The following MOB3B variants were observed in gnomAD, a reference collection of about 807,000 sequenced individuals.
MOB3B encodes MOB kinase activator 3B, also known as MOB kinase activator-like 2B.
Under a neutral mutation model 18.7 loss-of-function variants are expected in MOB3B, and 7 were observed. That is an observed-to-expected ratio of 0.37 (90% CI 0.21 to 0.70). MOB3B has a LOEUF of 0.70. MOB3B is among the 30% of genes least tolerant of loss of function. The pLI, the probability that MOB3B is intolerant of heterozygous loss-of-function variation, is 0.52. For missense variants in MOB3B, 253 were observed against 281.3 expected (o/e 0.90, Z 0.72); for synonymous variants, 111 against 99.9 (o/e 1.11, Z -0.66).
intron 2 of MOB3B, among the ~76,000 whole-genome samples, chr9:27,393,252 T>A (rs1314561129): frequency 6.6e-6 from 1 of 152,178 alleles, no homozygotes; most frequent in Non-Finnish European, 1.5e-5. Context: ...TATGAAGAAG[T>A]TATTTCCCCA....
At chr9:27,519,556 T>C (rs1046326517) in intron 1 of MOB3B, among the ~76,000 whole-genome samples, 6 of 152,166 alleles carry the variant, frequency 3.9e-5, no homozygotes, top group Non-Finnish European at 5.9e-5. Context: ...AACAAGCCAG[T>C]TGTTATACCT....
chr9:27,395,990 C>T (rs942405306), intron 2 of MOB3B, among the ~76,000 whole-genome samples: 1 of 151,978 alleles, frequency 6.6e-6, no homozygotes, highest in African/African-American at 2.4e-5. Context: ...TGGCTGGGAG[C>T]TTTGAGGACG....
At chr9:27,480,434 G>A (rs1819632383) in intron 1 of MOB3B, among the ~76,000 whole-genome samples, 1 of 152,090 alleles carries the variant, frequency 6.6e-6, no homozygotes, top group Non-Finnish European at 1.5e-5. Context: ...GGAGTAGCTG[G>A]GACTACAGGC....
At chr9:27,466,820 G>A (rs1819391358) in intron 1 of MOB3B, among the ~76,000 whole-genome samples, 1 of 152,062 alleles carries the variant, frequency 6.6e-6, no homozygotes. Flanking sequence ...CTCCCCTTGG[G>A]TCCGTCCTAC....
chr9:27,524,328 G>A, intron 1 of MOB3B: 2 of 1,602,640 alleles, frequency 1.2e-6, no homozygotes, highest in Non-Finnish European at 1.7e-6. Context: ...TTTTTAGCTT[G>A]CAAAAAAAAT....
Position 27,526,741 on chromosome 9 carries a change from T to C in MOB3B, c.-199+2814A>G, listed in dbSNP as rs966083753. ...AAGGCAAGGGCACAAACTGACATCA[T>C]CACAAAGGAAGAAATACTACAGACA... On this transcript the variant is annotated intron_variant, in intron 1 of 3. Coordinates refer to ENST00000262244, the MANE Select transcript of MOB3B (RefSeq NM_024761.5). Among the ~76,000 whole-genome samples the C allele has an allele frequency of 2.0e-5, 3 of 152,138 alleles. No homozygotes were observed. In the East Asian group the frequency reaches 5.8e-4, roughly 29 times the overall value.
intron 2 of MOB3B, among the ~76,000 whole-genome samples, chr9:27,415,831 A>G (rs904462327): frequency 3.9e-5 from 6 of 152,234 alleles, no homozygotes; most frequent in African/African-American, 1.4e-4. Context: ...TGAGGAAAAT[A>G]AAATTTCATC....
At chr9:27,515,796 G>T (rs774355) in intron 1 of MOB3B, among the ~76,000 whole-genome samples, 44,306 of 151,920 alleles carry the variant, frequency 0.29, 6,598 homozygotes, top group Middle Eastern at 0.36. Flanking sequence ...CCCCATTAAG[G>T]CTCCCTGTAC....
At chr9:27,444,152 A>AAAG (rs1188935921) in intron 2 of MOB3B, among the ~76,000 whole-genome samples, 1 of 134,158 alleles carries the variant, frequency 7.5e-6, no homozygotes, top group Non-Finnish European at 1.6e-5. Context: ...AAGAAGAAGG[A>AAAG]AAGAAGGAAG....
intron 1 of MOB3B, among the ~76,000 whole-genome samples, chr9:27,518,358 T>C (rs1246946625): frequency 6.6e-6 from 1 of 152,220 alleles, no homozygotes; most frequent in African/African-American, 2.4e-5. Flanking sequence ...AGAGAAGGAT[T>C]ATTCTGGTAG....
intron 1 of MOB3B, among the ~76,000 whole-genome samples, chr9:27,467,275 A>G (rs1025152784): frequency 5.9e-5 from 9 of 152,212 alleles, no homozygotes; most frequent in African/African-American, 1.4e-4. Context: ...TTGTGGGCTA[A>G]ATGCTTTCTC....
In MOB3B at chr9:27,479,072, G is replaced by T. The variant is rs547750950; in HGVS notation, c.-198-23324C>A. Among the ~76,000 whole-genome samples the T allele has an allele frequency of 4.7e-4, 72 of 152,104 alleles. 1 individual carries two copies. Among genetic ancestry groups the T allele is most frequent in the Non-Finnish European group, 7.8e-4 (53 of 67,990 alleles). Reference sequence around the variant, plus strand: ...AATTAAGTTGCTGCTCAAAAATGGGGGTATTTTAACCTGTTTTACGCTGCT... The same window carrying T: ...AATTAAGTTGCTGCTCAAAAATGGGTGTATTTTAACCTGTTTTACGCTGCT... On this transcript the variant is annotated intron_variant, in intron 1 of 3. Coordinates refer to ENST00000262244, the MANE Select transcript of MOB3B (RefSeq NM_024761.5).
intron 2 of MOB3B, among the ~76,000 whole-genome samples, chr9:27,399,375 C>T (rs1014641019): frequency 1.3e-5 from 2 of 152,180 alleles, no homozygotes; most frequent in Non-Finnish European, 1.5e-5. Context: ...CGACGAAGCA[C>T]ACAAGGGCAG....
At chr9:27,452,305 A>G (rs1822802747) in intron 2 of MOB3B, among the ~76,000 whole-genome samples, 1 of 152,230 alleles carries the variant, frequency 6.6e-6, no homozygotes, top group African/African-American at 2.4e-5. Flanking sequence ...TGCATAATTT[A>G]AAGAGCTGGT....
At chr9:27,409,999 G>A (rs1822039930) in intron 2 of MOB3B, among the ~76,000 whole-genome samples, 1 of 152,076 alleles carries the variant, frequency 6.6e-6, no homozygotes, top group Admixed American at 6.6e-5. Flanking sequence ...TTCTGGAAAT[G>A]GATAATATTG....
rs1820758311 is a variant in MOB3B, at chr9:27,329,524, G to A, written c.*1063C>T. 6.6e-6 allele frequency: 1 copy of A among 152,362 alleles called. No individual in the cohort carries two copies. Among genetic ancestry groups the A allele is most frequent in the African/African-American group, 2.4e-5 (1 of 41,422 alleles). 9.4% of individuals were successfully genotyped at this position (152,362 alleles called of 1,614,324 possible). On this transcript the variant is annotated 3_prime_UTR_variant, in exon 4 of 4. Transcript: ENST00000262244. ...GGCAGAGGAGTGGGGAGCGTGGAGT[G>A]GGGAGAGAATGACGGCTGGGTTTAA...
chr9:27,484,254 G>A (rs949069125), intron 1 of MOB3B, among the ~76,000 whole-genome samples: 4 of 152,142 alleles, frequency 2.6e-5, no homozygotes, highest in Admixed American at 6.5e-5. Context: ...AGAGAAAAAC[G>A]GGAAGAGATA....
At chr9:27,459,020 C>CT (rs372687225) in intron 1 of MOB3B, among the ~76,000 whole-genome samples, 1 of 151,040 alleles carries the variant, frequency 6.6e-6, no homozygotes, top group Non-Finnish European at 1.5e-5. Flanking sequence ...GGCCCCCCCC[C>CT]ATGTTTAAAG....
At chr9:27,428,816 T>C (rs1302885332) in intron 2 of MOB3B, among the ~76,000 whole-genome samples, 1 of 152,200 alleles carries the variant, frequency 6.6e-6, no homozygotes, top group Non-Finnish European at 1.5e-5. Context: ...GTAACCCATG[T>C]AGATAAGGGA....
Sources: gnomAD v4.1 joint callset for allele counts (sites outside exome capture counted in the v4.1 genomes callset) on GRCh38, gnomAD v4.1.1 for gene constraint, MANE v1.5 for transcripts, NCBI Gene and HGNC (gene_info 2026-07-23, HGNC 2026-07-21) for gene names.